Variants in MAN1C1 observed in about 807,000 individuals in gnomAD.
MAN1C1 encodes the protein mannosidase alpha class 1C member 1.
In MAN1C1, 49 loss-of-function variants were observed where a neutral mutation model predicts 71.5. The observed-to-expected ratio is 0.69, with a 90% CI of 0.54 to 0.87. The LOEUF (loss-of-function observed/expected upper bound fraction) is 0.87, where lower values mean the gene tolerates loss of function less well. MAN1C1 is among the 40% of genes least tolerant of loss of function. MAN1C1 has a pLI of 0.00. For synonymous variants in MAN1C1, 352 were observed against 343.7 expected (o/e 1.02, Z -0.27); for missense variants, 743 against 835.0 (o/e 0.89, Z 1.36).
chr1:25,695,222 CT>C (rs2046355117), intron 2 of MAN1C1, among the ~76,000 whole-genome samples: 5 of 152,130 alleles, frequency 3.3e-5, no homozygotes, highest in Admixed American at 2.0e-4. Context: ...CTGTCATCAG[CT>C]TTGTAAGTGG....
intron 1 of MAN1C1, chr1:25,645,594 G>C (rs2045601465): frequency 6.6e-6 from 1 of 152,260 alleles, no homozygotes; most frequent in Admixed American, 6.5e-5. Flanking sequence ...CAAGCACACA[G>C]GGGCCAAATA....
intron 2 of MAN1C1, among the ~76,000 whole-genome samples, chr1:25,693,488 A>G (rs2046332933): frequency 6.6e-6 from 1 of 152,128 alleles, no homozygotes; most frequent in African/African-American, 2.4e-5. Context: ...ATAATTAGCT[A>G]GACGTGGTGC....
intron 2 of MAN1C1, among the ~76,000 whole-genome samples, chr1:25,707,299 T>A (rs1371172313): frequency 3.3e-5 from 5 of 152,272 alleles, no homozygotes; most frequent in Non-Finnish European, 4.4e-5. Context: ...GGACTTACCG[T>A]CAAGCTGCCA....
intron 2 of MAN1C1, among the ~76,000 whole-genome samples, chr1:25,699,882 C>T (rs1400586059): frequency 2.6e-5 from 4 of 152,280 alleles, no homozygotes; most frequent in Admixed American, 2.0e-4. Context: ...CGCTGCCACT[C>T]GGGGCCTCTG....
chr1:25,695,822 A>G (rs1450692525), intron 2 of MAN1C1, among the ~76,000 whole-genome samples: 2 of 152,266 alleles, frequency 1.3e-5, no homozygotes, highest in African/African-American at 4.8e-5. Context: ...TGGCGCCAGC[A>G]GCCGAGTGAG....
chr1:25,625,872 G>T (rs947876301), intron 1 of MAN1C1, among the ~76,000 whole-genome samples: 3 of 152,182 alleles, frequency 2.0e-5, no homozygotes, highest in African/African-American at 7.2e-5. Flanking sequence ...ATGCCCTGTG[G>T]ACAAGGCTTC....
chr1:25,695,674 T>A (rs2124201728), intron 2 of MAN1C1, among the ~76,000 whole-genome samples: 1 of 152,366 alleles, frequency 6.6e-6, no homozygotes. Context: ...CTAATTAAGA[T>A]GCATCTTGGC....
At chr1:25,624,571 T>G (rs2045264941) in intron 1 of MAN1C1, among the ~76,000 whole-genome samples, 1 of 152,234 alleles carries the variant, frequency 6.6e-6, no homozygotes, top group Admixed American at 6.5e-5. Flanking sequence ...TAGTGGTAAC[T>G]TTTACAGAAG....
chr1:25,671,574 C>T (rs1478236856), intron 1 of MAN1C1, among the ~76,000 whole-genome samples: 2 of 152,202 alleles, frequency 1.3e-5, no homozygotes, highest in Admixed American at 6.5e-5. Context: ...ATGCTGTTGC[C>T]TGTGCCCCAG....
chr1:25,759,931 C>G (rs1379978458), intron 6 of MAN1C1: 2 of 152,182 alleles, frequency 1.3e-5, no homozygotes, highest in Non-Finnish European at 2.9e-5. Context: ...TTGAGAGGGA[C>G]TCTGCCTCCC....
chr1:25,679,573 A>G (rs61777484), intron 1 of MAN1C1, among the ~76,000 whole-genome samples: 2 of 148,944 alleles, frequency 1.3e-5, no homozygotes, highest in African/African-American at 5.1e-5. Context: ...AAAAAAAAAA[A>G]GGCATTTCAG....
Position 25,782,710 on chromosome 1 carries a change from G to A in MAN1C1, c.1766+10G>A, listed in dbSNP as rs2047713204. ...TAGCGGAGACACTAAAGTGAGCAGTGTGGGCTCTTCCTAGGGATGGACAGG... is the reference window on the plus strand; with the variant it reads ...TAGCGGAGACACTAAAGTGAGCAGTATGGGCTCTTCCTAGGGATGGACAGG... On this transcript the variant is annotated intron_variant, in intron 11 of 11. Coordinates refer to ENST00000374332, the MANE Select transcript of MAN1C1 (RefSeq NM_020379.4). This position sits in a 1 kb window ranked among gnomAD's most constrained non-coding sequence, Gnocchi z 4.4. 2 of 1,602,642 alleles carry A rather than the reference G, an allele frequency of 1.2e-6. No individual in the cohort carries two copies. Among genetic ancestry groups the A allele is most frequent in the African/African-American group, 2.7e-5 (2 of 74,656 alleles).
At chr1:25,647,773 G>C (rs540923631) in intron 1 of MAN1C1, among the ~76,000 whole-genome samples, 1 of 152,192 alleles carries the variant, frequency 6.6e-6, no homozygotes, top group Non-Finnish European at 1.5e-5. Context: ...AATAGAAATT[G>C]GGATGAGGGG....
At chr1:25,740,923 A>T (rs1281581697) in intron 2 of MAN1C1, among the ~76,000 whole-genome samples, 1 of 152,028 alleles carries the variant, frequency 6.6e-6, no homozygotes, top group Admixed American at 6.6e-5. Flanking sequence ...CAGTGTCTGG[A>T]AATCTCGCAG....
At chr1:25,773,882 G>A (rs145142192) in intron 8 of MAN1C1, among the ~76,000 whole-genome samples, 1 of 152,282 alleles carries the variant, frequency 6.6e-6, no homozygotes, top group East Asian at 1.9e-4. Context: ...ATTTTCTGGT[G>A]GTTCTCAACC....
At chr1:25,681,390 T>C (rs1177619133) in intron 1 of MAN1C1, among the ~76,000 whole-genome samples, 2 of 152,156 alleles carry the variant, frequency 1.3e-5, no homozygotes, top group Non-Finnish European at 2.9e-5. Context: ...CCAGGGAAGC[T>C]CTTTAGAGAC....
At chr1:25,661,602 A>G (rs2045850125) in intron 1 of MAN1C1, among the ~76,000 whole-genome samples, 2 of 152,096 alleles carry the variant, frequency 1.3e-5, no homozygotes, top group South Asian at 4.2e-4. Context: ...CTGAGCAGAG[A>G]TGTGTGCATA....
chr1:25,764,115 A>G lies in MAN1C1; in HGVS notation c.1141+148A>G. 2 of 655,296 alleles carry G rather than the reference A, an allele frequency of 3.1e-6. No homozygotes were observed. Among genetic ancestry groups the G allele is most frequent in the East Asian group, 5.5e-5 (2 of 36,424 alleles). The allele number at this position is 655,296 out of a possible 1,614,324, so 40.6% of individuals were successfully genotyped here. ...CATTCGCTCGGTGCTCCTGGACACCACCTGCCTTCCCATGCATCCTGGGGG... is the reference window on the plus strand; with the variant it reads ...CATTCGCTCGGTGCTCCTGGACACCGCCTGCCTTCCCATGCATCCTGGGGG... On this transcript the variant is annotated intron_variant, in intron 7 of 11. Transcript: ENST00000374332. The surrounding 1 kb of genome is among the most constrained non-coding windows in gnomAD (Gnocchi z 4.4).
At chr1:25,706,516 C>T (rs1209777827) in intron 2 of MAN1C1, among the ~76,000 whole-genome samples, 1 of 152,082 alleles carries the variant, frequency 6.6e-6, no homozygotes, top group African/African-American at 2.4e-5. Flanking sequence ...AGAGACTGGA[C>T]TCTGGCGGGG....
Sources: allele counts gnomAD v4.1 joint callset (sites outside exome capture counted in the v4.1 genomes callset), GRCh38; gene constraint gnomAD v4.1.1; non-coding constraint Gnocchi (gnomAD v3.1); transcripts MANE v1.5; gene names NCBI Gene and HGNC (gene_info 2026-07-23, HGNC 2026-07-21).